Variants in WSB2 observed in about 807,000 individuals in gnomAD.
The protein encoded by WSB2 is WD repeat and SOCS box containing 2, also known as WD repeat and SOCS box-containing protein 2.
WSB2 carries 12 observed loss-of-function variants against 48.8 expected under a neutral mutation model. The ratio of observed to expected loss-of-function variants is 0.25; its 90% CI spans 0.16 to 0.40. The LOEUF (loss-of-function observed/expected upper bound fraction) is 0.40, where lower values mean the gene tolerates loss of function less well. Among genes scored for constraint, WSB2 ranks in the 10% least tolerant of loss-of-function variants. WSB2 has a pLI of 1.00. For synonymous variants in WSB2, 191 were observed against 203.1 expected, an observed-to-expected ratio of 0.94 and a Z score of 0.51; for missense variants, 317 against 506.2, an observed-to-expected ratio of 0.63 and a Z score of 3.59.
chr12:118,062,019 G>T, upstream of WSB2: 4 of 1,378,958 alleles, frequency 2.9e-6, no homozygotes, highest in Non-Finnish European at 3.9e-6. Flanking sequence ...AGGAGGGCAG[G>T]GTGAAAACCG....
chr12:118,060,049 C>T lies in WSB2; in HGVS notation c.13+987G>A, dbSNP rs936645635. On this transcript the variant is annotated intron_variant, in intron 1 of 8. Coordinates refer to ENST00000315436, the MANE Select transcript of WSB2 (RefSeq NM_018639.5). The surrounding 1 kb of genome is among the most constrained non-coding windows in gnomAD (Gnocchi z 4.1). ...AAATTCTGAGCCCTAGGCCTTGAAC[C>T]TGCTCTGAAAATTTCTCCTAAGGAA... Among the ~76,000 whole-genome samples the T allele has an allele frequency of 2.0e-5, 3 of 152,180 alleles. No homozygotes were observed. Among genetic ancestry groups the T allele is most frequent in the African/African-American group, 7.2e-5 (3 of 41,432 alleles).
chr12:118,061,214 G>A, upstream of WSB2: 3 of 983,482 alleles, frequency 3.1e-6, no homozygotes, highest in Non-Finnish European at 3.6e-6. Context: ...GCGGAGACGC[G>A]CGGGGGCGGG....
Position 118,038,350 on chromosome 12 carries a change from C to G in WSB2, c.598G>C (p.Val200Leu). Residue 200 changes from valine (V) to leucine (L), a missense_variant, in exon 5 of 9, where the codon GTT becomes CTT. Val to Leu is a conservative substitution (Grantham distance 32). This residue lies in a region of WSB2 where 189 missense variants were observed against 349.6 expected (regional missense o/e 0.54). Transcript: ENST00000315436. Reference protein sequence around the residue: ...IQVLSGHLQWVYCCSISPDCS... With the variant: ...IQVLSGHLQWLYCCSISPDCS... Reference sequence around the variant, plus strand: ...TCTGGGGAGATGGAACAGCAGTAAACCCACTGCAGGTGGCCCGATAACACT... The same window carrying G: ...TCTGGGGAGATGGAACAGCAGTAAAGCCACTGCAGGTGGCCCGATAACACT... The G allele has an allele frequency of 6.2e-7, 1 of 1,614,136 alleles. No individual in the cohort carries two copies. The highest frequency in any genetic ancestry group is 1.3e-5 in the African/African-American group (1 of 75,044).
chr12:118,039,171 G>C (rs2031575425), intron 4 of WSB2, among the ~76,000 whole-genome samples: 1 of 152,190 alleles, frequency 6.6e-6, no homozygotes, highest in Non-Finnish European at 1.5e-5. Flanking sequence ...CAGATGAGCA[G>C]TGGTGTGGAG....
At chr12:118,035,557 T>G (rs1009196896) in intron 6 of WSB2, 2 of 496,808 alleles carry the variant, frequency 4.0e-6, no homozygotes, top group Non-Finnish European at 7.2e-6. Context: ...GCTAATTTGC[T>G]TATGCAAAGT....
At chr12:118,061,308 GGTACGCT>G, upstream of WSB2, 1 of 577,044 alleles carries the variant, frequency 1.7e-6, no homozygotes, top group South Asian at 7.5e-5. Context: ...TCGGGGAGGC[GGTACGCT>G]GACGGGATAA....
chr12:118,051,116 C>A (rs1479702462), intron 2 of WSB2, among the ~76,000 whole-genome samples: 1 of 151,390 alleles, frequency 6.6e-6, no homozygotes, highest in East Asian at 1.9e-4. Context: ...CAAGGAAATG[C>A]AAATCGAAAC....
chr12:118,056,285 C>T (rs1011637955), intron 1 of WSB2, among the ~76,000 whole-genome samples: 6 of 152,172 alleles, frequency 3.9e-5, no homozygotes, highest in Non-Finnish European at 7.3e-5. Context: ...TGACCCTAGG[C>T]CTTTGCACCA....
At chr12:118,041,588 A>C (rs1019303946) in intron 4 of WSB2, among the ~76,000 whole-genome samples, 1 of 151,920 alleles carries the variant, frequency 6.6e-6, no homozygotes, top group Non-Finnish European at 1.5e-5. Flanking sequence ...CCATGGGGAC[A>C]AGTGGCCTCT....
At position 118,033,038 on chromosome 12, in the gene WSB2, G is replaced by A. The variant is rs865774428; in HGVS notation, c.*1158C>T. 1.7e-4 allele frequency: 26 copies of A among 152,068 alleles called. No individual in the cohort carries two copies. The highest frequency in any genetic ancestry group is 6.3e-4 in the African/African-American group (26 of 41,398). 9.4% of individuals were successfully genotyped at this position (152,068 alleles called of 1,614,324 possible). ...TCAACGAGTCATGTAACGTTACACT[G>A]GCCTCCATAAAGCACCGATTAAGAA... On this transcript the variant is annotated 3_prime_UTR_variant, in exon 9 of 9. Coordinates refer to ENST00000315436, the MANE Select transcript of WSB2 (RefSeq NM_018639.5).
intron 2 of WSB2, 52 bp downstream of exon 2, chr12:118,052,258 C>A: frequency 1.9e-6 from 3 of 1,593,828 alleles, no homozygotes; most frequent in Admixed American, 3.4e-5. Context: ...GGCAAAAGAA[C>A]AAGGAGTGTT....
chr12:118,059,531 G>C (rs1418088084), intron 1 of WSB2, among the ~76,000 whole-genome samples: 2 of 152,148 alleles, frequency 1.3e-5, no homozygotes, highest in Non-Finnish European at 2.9e-5. Context: ...TTGAAAATAA[G>C]TTAAAACTCT....
At chr12:118,040,059 G>A (rs751372901) in intron 4 of WSB2, among the ~76,000 whole-genome samples, 2 of 151,976 alleles carry the variant, frequency 1.3e-5, no homozygotes, top group Non-Finnish European at 2.9e-5. Context: ...TGTAGTCCCA[G>A]CTACTCCAGA....
chr12:118,060,293 C>T lies in WSB2; in HGVS notation c.13+743G>A, dbSNP rs554283415. Among the ~76,000 whole-genome samples, 80 of 152,214 alleles carry T rather than the reference C, an allele frequency of 5.3e-4. 1 individual carries two copies. Among genetic ancestry groups the T allele is most frequent in the African/African-American group, 1.9e-3 (78 of 41,522 alleles). ...AGGTATATCCAATATCCTCTGACTT[C>T]CACGCTGTCTTCTGATGGGGATGGC... On this transcript the variant is annotated intron_variant, in intron 1 of 8. Transcript: ENST00000315436. The surrounding 1 kb of genome is among the most constrained non-coding windows in gnomAD (Gnocchi z 4.1).
intron 4 of WSB2, among the ~76,000 whole-genome samples, chr12:118,041,080 A>G (rs574659653): frequency 6.6e-6 from 1 of 152,292 alleles, no homozygotes; most frequent in Admixed American, 6.5e-5. Context: ...AAAAACACCT[A>G]GAGTTATCTT....
rs1394804027 is a variant in WSB2 at position 118,038,215 on chromosome 12, A to G, written c.660+73T>C. ...TGGATTTGCGGACGATTTTGAGAAC[A>G]CTCACACACACCAGGCCACCACTTC... On this transcript the variant is annotated intron_variant, in intron 5 of 8. Coordinates refer to ENST00000315436, the MANE Select transcript of WSB2 (RefSeq NM_018639.5). 6 of 1,421,336 alleles carry G rather than the reference A, an allele frequency of 4.2e-6. No individual in the cohort carries two copies. The African/African-American group carries it at 4.3e-5, about 10-fold the overall frequency. 88.0% of individuals were successfully genotyped at this position (1,421,336 alleles called of 1,614,324 possible). A position where few individuals can be genotyped will look rare whatever the true frequency, so the allele number is the denominator to read the frequency against.
At chr12:118,062,050 TA>T, upstream of WSB2, 1 of 1,518,112 alleles carries the variant, frequency 6.6e-7, no homozygotes, top group Non-Finnish European at 8.8e-7. Flanking sequence ...GGGAACGAGA[TA>T]AAAAACGGGG....
At chr12:118,038,234 C>G (rs955135064) in intron 5 of WSB2, 54 bp downstream of exon 5, 2 of 1,537,884 alleles carry the variant, frequency 1.3e-6, no homozygotes, top group Admixed American at 3.9e-5. Flanking sequence ...CACCAGGCCA[C>G]CACTTCAGAC....
At chr12:118,059,639 A>C (rs1280712222) in intron 1 of WSB2, among the ~76,000 whole-genome samples, 1 of 152,212 alleles carries the variant, frequency 6.6e-6, no homozygotes, top group East Asian at 1.9e-4. Context: ...AACTGGAAAC[A>C]GATTTCTGTT....
Sources: gnomAD v4.1 joint callset for allele counts (sites outside exome capture counted in the v4.1 genomes callset) on GRCh38, gnomAD v4.1.1 for gene constraint, gnomAD v4.1.1 regional missense constraint, Gnocchi (gnomAD v3.1) non-coding constraint, MANE v1.5 for transcripts, NCBI Gene and HGNC (gene_info 2026-07-23, HGNC 2026-07-21) for gene names.